The following RHOT1 variants were observed in gnomAD, a reference collection of about 807,000 sequenced individuals.
The protein encoded by RHOT1 is mitochondrial Rho GTPase 1.
RHOT1 carries 27 observed loss-of-function variants against 95.3 expected under a neutral mutation model. The ratio of observed to expected loss-of-function variants is 0.28; its 90% confidence interval spans 0.21 to 0.39. The LOEUF is 0.39. Ranked by LOEUF, RHOT1 falls within the 10% of genes least tolerant of loss-of-function variation. The pLI is 1.00. For synonymous variants in RHOT1, 227 were observed against 263.5 expected, an observed-to-expected ratio of 0.86 and a Z score of 1.34; for missense variants, 578 against 786.7, an observed-to-expected ratio of 0.73 and a Z score of 3.17.
intron 1 of RHOT1, among the ~76,000 whole-genome samples, chr17:32,147,953 G>A (rs975565880): frequency 5.3e-5 from 8 of 152,092 alleles, no homozygotes; most frequent in African/African-American, 7.2e-5. Flanking sequence ...CTTCTGATGC[G>A]TGTAGGCTTT....
chr17:32,171,011 CTT>C, intron 1 of RHOT1, 30 bp from the exon 2 acceptor site: 1 of 1,543,056 alleles, frequency 6.5e-7, no homozygotes, highest in Non-Finnish European at 8.9e-7. Context: ...GAACCTAACA[CTT>C]TATTAAAGTA....
intron 8 of RHOT1, among the ~76,000 whole-genome samples, chr17:32,190,263 G>A (rs1598400934): frequency 1.3e-5 from 2 of 152,030 alleles, no homozygotes; most frequent in East Asian, 3.9e-4. Context: ...AGACCATCCT[G>A]GCTAACATGG....
At chr17:32,176,589 T>G (rs1422117984) in intron 6 of RHOT1, among the ~76,000 whole-genome samples, 2 of 146,276 alleles carry the variant, frequency 1.4e-5, no homozygotes, top group Non-Finnish European at 3.0e-5. Flanking sequence ...TTTATTTATT[T>G]TGAGACAGAG....
chr17:32,150,813 A>T lies in RHOT1; in HGVS notation c.37+8084A>T, dbSNP rs567765880. 2.5e-5 allele frequency: 38 copies of T among 1,539,310 alleles called. No homozygotes were observed. The Admixed American group carries it at 3.5e-4, about 14-fold the overall frequency. Reference sequence around the variant, plus strand: ...CAGTGAAGGTAGAGTTCCATGCCCAATTGGAAGGGTCTAAGAGCTGAGGTG... The same window carrying T: ...CAGTGAAGGTAGAGTTCCATGCCCATTTGGAAGGGTCTAAGAGCTGAGGTG... On this transcript the variant is annotated intron_variant, in intron 1 of 19. Coordinates refer to ENST00000545287, the MANE Select transcript of RHOT1 (RefSeq NM_001033566.3).
chr17:32,209,648 G>T, intron 18 of RHOT1: 1 of 427,702 alleles, frequency 2.3e-6, no homozygotes, highest in Non-Finnish European at 4.2e-6. Flanking sequence ...TACAGTAACT[G>T]CAAGTGTGTT....
In RHOT1 at chr17:32,211,225, G is replaced by T; in HGVS notation, c.1849G>T (p.Ala617Ser). ...ATCTGTAAAGAACAAAATCTTCACT[G>T]CAGTTCTTAACAGGTTCTTAACTTT... ...LQSVKNKIFT[A>S]VLNRHVTQAD... is the part of the protein sequence containing the mutation. Residue 617 changes from alanine to serine, a missense_variant, in exon 19 of 20, where the codon GCA becomes TCA. Coordinates refer to ENST00000545287, the MANE Select transcript of RHOT1 (RefSeq NM_001033566.3). 1 of 1,609,520 alleles carries T rather than the reference G, an allele frequency of 6.2e-7. No homozygotes were observed. The highest frequency in any genetic ancestry group is 8.5e-7 in the Non-Finnish European group (1 of 1,176,792).
intron 8 of RHOT1, among the ~76,000 whole-genome samples, chr17:32,188,976 C>T (rs1272033714): frequency 1.3e-5 from 2 of 152,156 alleles, no homozygotes; most frequent in Admixed American, 1.3e-4. Flanking sequence ...CTTACCTCAT[C>T]GTAATAGTCA....
rs144228311 is a variant in RHOT1 at position 32,216,886 on chromosome 17, G to C, written c.1862+5648G>C. Among the ~76,000 whole-genome samples, 20 of 152,166 alleles carry C rather than the reference G, an allele frequency of 1.3e-4. No homozygotes were observed. The East Asian group carries it at 3.9e-3, about 29-fold the overall frequency. On this transcript the variant is annotated intron_variant, in intron 19 of 19. Transcript: ENST00000545287. The stretch of plus-strand genomic sequence containing the variant: ...TTTTGTCCAAGGAAGTCCTGCTTTA[G>C]TTTCTTATGAAACTTATTTATTCCC...
chr17:32,168,289 A>C (rs1326552586), intron 1 of RHOT1, among the ~76,000 whole-genome samples: 1 of 151,934 alleles, frequency 6.6e-6, no homozygotes, highest in Non-Finnish European at 1.5e-5. Flanking sequence ...TTTCCTCCAG[A>C]CAGAGTTTCA....
intron 1 of RHOT1, among the ~76,000 whole-genome samples, chr17:32,168,627 A>C (rs1328161965): frequency 6.7e-6 from 1 of 148,382 alleles, no homozygotes; most frequent in East Asian, 1.9e-4. Flanking sequence ...ATTTATATAT[A>C]TAAATATATT....
chr17:32,191,792 C>G (rs2036510027), intron 8 of RHOT1, among the ~76,000 whole-genome samples: 1 of 152,194 alleles, frequency 6.6e-6, no homozygotes, highest in Non-Finnish European at 1.5e-5. Flanking sequence ...AAATCTCATT[C>G]TGCTACCAGA....
Position 32,217,494 on chromosome 17 carries a change from C to T in RHOT1, c.1862+6256C>T, listed in dbSNP as rs143500735. Among the ~76,000 whole-genome samples, 292 of 152,196 alleles carry T rather than the reference C, an allele frequency of 1.9e-3. 1 individual carries two copies. The highest frequency in any genetic ancestry group is 3.5e-3 in the Non-Finnish European group (240 of 68,012). ...AAATACAGCCAGGCGCCTTGGCTCA[C>T]GCCTGTAATCCCAGCACTTTGGGAG... On this transcript the variant is annotated intron_variant, in intron 19 of 19. Transcript: ENST00000545287.
chr17:32,150,630 A>C (rs999824248), intron 1 of RHOT1: 27 of 1,590,974 alleles, frequency 1.7e-5, no homozygotes, highest in Non-Finnish European at 2.2e-5. Context: ...ACTGATACAG[A>C]CAGTGGAAAG....
rs529478558 is a variant in RHOT1 at position 32,167,722 on chromosome 17, A to G, written c.38-3321A>G. ...TATCTGCTCTCTAGCTATCGATGGC[A>G]TCTTCTTCTGATACAAGGCTGTTTC... On this transcript the variant is annotated intron_variant, in intron 1 of 19. Coordinates refer to ENST00000545287, the MANE Select transcript of RHOT1 (RefSeq NM_001033566.3). 7.2e-5 allele frequency among the ~76,000 whole-genome samples: 11 copies of G among 152,322 alleles called. No homozygotes were observed. The East Asian group carries it at 2.1e-3, about 29-fold the overall frequency.
At chr17:32,223,729 C>T (rs1313440271) in intron 19 of RHOT1, among the ~76,000 whole-genome samples, 1 of 152,080 alleles carries the variant, frequency 6.6e-6, no homozygotes, top group Non-Finnish European at 1.5e-5. Context: ...TTTAAGTTTT[C>T]TACATCATCT....
chr17:32,158,548 C>T (rs1321971588), intron 1 of RHOT1, among the ~76,000 whole-genome samples: 3 of 152,076 alleles, frequency 2.0e-5, no homozygotes, highest in Non-Finnish European at 2.9e-5. Context: ...CAACACCTGC[C>T]TCCCGCTTTC....
At chr17:32,150,908 TG>T (rs2142373015) in intron 1 of RHOT1, 1 of 1,546,486 alleles carries the variant, frequency 6.5e-7, no homozygotes, top group East Asian at 2.3e-5. Flanking sequence ...CTGGGGGAGG[TG>T]GGCACATTCT....
Position 32,215,551 on chromosome 17 carries a change from G to A in RHOT1, c.1862+4313G>A, listed in dbSNP as rs1480042088. Among the ~76,000 whole-genome samples the A allele has an allele frequency of 2.8e-5, 4 of 145,278 alleles. No homozygotes were observed. The East Asian group carries it at 8.2e-4, about 30-fold the overall frequency. On this transcript the variant is annotated intron_variant, in intron 19 of 19. Transcript: ENST00000545287. The stretch of plus-strand genomic sequence containing the variant: ...CTAAGAAAAACATTTTTTAACTTTG[G>A]TTATATTTTCAGTGATGTTAGTCCT...
intron 1 of RHOT1, among the ~76,000 whole-genome samples, chr17:32,154,586 CAAAAAAAAAAAA>C (rs1022159247): frequency 8.1e-5 from 5 of 61,748 alleles, no homozygotes; most frequent in Non-Finnish European, 1.6e-4. Context: ...GGCTCCATCT[CAAAAAAAAAAAA>C]AAAAAAAAAA....
Sources: allele counts gnomAD v4.1 joint callset (sites outside exome capture counted in the v4.1 genomes callset), GRCh38; gene constraint gnomAD v4.1.1; transcripts MANE v1.5; gene names NCBI Gene and HGNC (gene_info 2026-07-23, HGNC 2026-07-21).